CCDC47: variants seen among roughly 807,000 people sequenced by gnomAD.
CCDC47 encodes the protein PAT complex subunit CCDC47.
In CCDC47, 41 loss-of-function variants were observed where a neutral mutation model predicts 60.5. That is an observed-to-expected ratio of 0.68 (90% CI 0.53 to 0.88). CCDC47 has a LOEUF of 0.88. Ranked by LOEUF, CCDC47 falls within the 40% of genes least tolerant of loss-of-function variation. The pLI, the probability that CCDC47 is intolerant of heterozygous loss-of-function variation, is 0.00. For synonymous variants in CCDC47, 195 were observed against 190.7 expected (o/e 1.02, Z -0.18); for missense variants, 513 against 580.9 (o/e 0.88, Z 1.20).
intron 1 of CCDC47, among the ~76,000 whole-genome samples, chr17:63,771,037 GAAGGAAGGAAGA>G (rs1163311588): frequency 1.8e-5 from 1 of 54,690 alleles, no homozygotes; most frequent in Non-Finnish European, 4.1e-5. Context: ...AGGAAGGAAG[GAAGGAAGGAAGA>G]AAGAAAGAAA....
rs2039190582 is a variant in CCDC47, at chr17:63,754,505, A to C, written c.962T>G (p.Leu321Arg). The C allele has an allele frequency of 6.2e-7, 1 of 1,604,994 alleles. No homozygotes were observed. Among genetic ancestry groups the C allele is most frequent in the African/African-American group, 1.3e-5 (1 of 74,646 alleles). ...TTCAATCTTGTCAGCATAGTGTGTA[A>C]GAAAGTGAACCATCTGAAAAAAAGA... ...GMMDTKMVHF[L>R]THYADKIESV... Residue 321 changes from leucine to arginine, a missense_variant, in exon 9 of 13, where the codon CTT becomes CGT. Leu to Arg is a moderately radical substitution (Grantham distance 102). Coordinates refer to ENST00000225726, the MANE Select transcript of CCDC47 (RefSeq NM_020198.3).
chr17:63,762,466 A>G (rs1024562244), intron 4 of CCDC47, among the ~76,000 whole-genome samples: 9 of 152,234 alleles, frequency 5.9e-5, no homozygotes, highest in African/African-American at 2.2e-4. Flanking sequence ...AACAGCAACT[A>G]TAGCCAATTG....
At position 63,759,735 on chromosome 17, in the gene CCDC47, T is replaced by C. The variant is rs2039242029; in HGVS notation, c.735+1179A>G. Reference sequence around the variant, plus strand: ...AAAAAACTGTCTTCTATATTTTTGTTTCTTGTAGCAGTGGGAGCCAGCATA... The same window carrying C: ...AAAAAACTGTCTTCTATATTTTTGTCTCTTGTAGCAGTGGGAGCCAGCATA... On this transcript the variant is annotated intron_variant, in intron 6 of 12. Coordinates refer to ENST00000225726, the MANE Select transcript of CCDC47 (RefSeq NM_020198.3). Among the ~76,000 whole-genome samples the C allele has an allele frequency of 2.7e-5, 4 of 150,770 alleles. No individual in the cohort carries two copies. The South Asian group carries it at 8.3e-4, about 31-fold the overall frequency.
rs1022128553 is a variant in CCDC47 at position 63,754,137 on chromosome 17, A to T, written c.1034+296T>A. ...ACAAAAAACAAAACAAAACAAAAAAACCCACTGCATTTTATTAGTACCAGC... is the reference window on the plus strand; with the variant it reads ...ACAAAAAACAAAACAAAACAAAAAATCCCACTGCATTTTATTAGTACCAGC... On this transcript the variant is annotated intron_variant, in intron 9 of 12. Transcript: ENST00000225726. 4.7e-4 allele frequency among the ~76,000 whole-genome samples: 71 copies of T among 151,984 alleles called. 1 individual carries two copies. The highest frequency in any genetic ancestry group is 3.2e-4 in the Non-Finnish European group (22 of 67,974).
Position 63,762,255 on chromosome 17 carries a change from A to G in CCDC47, c.548-904T>C, listed in dbSNP as rs890699525. ...ACGGACTGATACACCAAATGAAAAC[A>G]AGCAAGGGGAAGTAGAAGGAGCCAA... is the stretch of plus-strand genomic sequence containing the variant. On this transcript the variant is annotated intron_variant, in intron 4 of 12. Transcript: ENST00000225726. 1.9e-5 allele frequency: 19 copies of G among 985,288 alleles called. 1 individual carries two copies. In the African/African-American group the frequency reaches 3.1e-4, roughly 16 times the overall value. 61.0% of individuals were successfully genotyped at this position (985,288 alleles called of 1,614,324 possible).
intron 6 of CCDC47, among the ~76,000 whole-genome samples, chr17:63,759,933 G>A (rs1031141319): frequency 9.9e-5 from 15 of 151,306 alleles, no homozygotes; most frequent in African/African-American, 3.1e-4. Context: ...GAGTGGTGGC[G>A]GACGCCTGTA....
intron 2 of CCDC47, among the ~76,000 whole-genome samples, chr17:63,765,284 G>A (rs911233491): frequency 6.6e-6 from 1 of 151,816 alleles, no homozygotes; most frequent in Non-Finnish European, 1.5e-5. Context: ...ATAAAGCTGG[G>A]GAGCACCCAA....
In CCDC47 at chr17:63,766,086, G is replaced by C. The variant is rs142552913; in HGVS notation, c.90C>G (p.Asp30Glu). 17 of 1,613,614 alleles carry C rather than the reference G, an allele frequency of 1.1e-5. No individual in the cohort carries two copies. The African/African-American group carries it at 2.3e-4, about 22-fold the overall frequency. The change falls in exon 2 of 13, where the codon GAC (aspartate) becomes GAG (glutamate). Residue 30 changes from aspartate (D) to glutamate (E), a missense_variant. Asp to Glu is a conservative substitution (Grantham distance 45). Transcript: ENST00000225726. ...AGTCATTATCATCATACTCTACTAT[G>C]TCCTCCTCATCCTCAAAATCATCAA... ...AKFDDFEDEE[D>E]IVEYDDNDFA...
At chr17:63,752,271 A>C (rs1364803118) in intron 11 of CCDC47, 49 bp downstream of exon 11, 1 of 1,484,816 alleles carries the variant, frequency 6.7e-7, no homozygotes, top group East Asian at 2.3e-5. Context: ...CCCCTTGAGA[A>C]GAAACAAAAA....
intron 6 of CCDC47, among the ~76,000 whole-genome samples, chr17:63,759,525 ATTT>A (rs59793162): frequency 9.6e-4 from 10 of 10,456 alleles, no homozygotes; most frequent in South Asian, 3.2e-3. Context: ...ATATATATAT[ATTT>A]ATATATATAT....
At chr17:63,755,923 CAAAAA>C (rs59036340) in intron 8 of CCDC47, among the ~76,000 whole-genome samples, 5 of 98,540 alleles carry the variant, frequency 5.1e-5, no homozygotes, top group Admixed American at 1.0e-4. Flanking sequence ...AACTGGAGCT[CAAAAA>C]AAAAAAAAAA....
chr17:63,754,321 A>G, intron 9 of CCDC47, 112 bp downstream of exon 9: 1 of 693,948 alleles, frequency 1.4e-6, no homozygotes, highest in South Asian at 1.6e-5. Context: ...GAGGCCTGTC[A>G]CCAACTTCCT....
At chr17:63,765,420 A>C (rs952958548) in intron 2 of CCDC47, among the ~76,000 whole-genome samples, 2 of 151,810 alleles carry the variant, frequency 1.3e-5, no homozygotes, top group African/African-American at 4.8e-5. Context: ...AGCTCACTGC[A>C]ACCTCCACCT....
Position 63,770,985 on chromosome 17 carries a change from C to CAA in CCDC47, c.-20+2425_-20+2426dup, listed in dbSNP as rs760648451. Among the ~76,000 whole-genome samples, 383 of 49,018 alleles carry CAA rather than the reference C, an allele frequency of 7.8e-3. 7 individuals are homozygous for CAA. Among genetic ancestry groups the CAA allele is most frequent in the African/African-American group, 0.044 (357 of 8,068 alleles). The allele number at this position is 49,018 out of a possible 152,430, so 32.2% of individuals were successfully genotyped here. On this transcript the variant is annotated intron_variant, in intron 1 of 12. Coordinates refer to ENST00000225726, the MANE Select transcript of CCDC47 (RefSeq NM_020198.3). ...CCTGGGTGACAGAGCGAGACTGTGT[C>CAA]AAAAAAAAAAAAAAGAAAGAAAGAA...
intron 9 of CCDC47, among the ~76,000 whole-genome samples, chr17:63,754,068 C>T (rs543317110): frequency 1.3e-5 from 2 of 152,104 alleles, no homozygotes; most frequent in East Asian, 3.9e-4. Flanking sequence ...ATTGTGCCAC[C>T]GCACTCCAGC....
chr17:63,756,231 C>T lies in CCDC47; in HGVS notation c.948+9G>A, dbSNP rs372450501. On this transcript the variant is annotated intron_variant, in intron 8 of 12. Coordinates refer to ENST00000225726, the MANE Select transcript of CCDC47 (RefSeq NM_020198.3). ...GGCCTGGCAAATGTATGTCTTCTGT[C>T]GCATTTACCTTTGTATCCATCATTC... 1.7e-4 allele frequency: 276 copies of T among 1,589,790 alleles called. No individual in the cohort carries two copies. The highest frequency in any genetic ancestry group is 2.1e-4 in the Non-Finnish European group (241 of 1,157,942).
At chr17:63,758,729 AT>A (rs1194706502) in intron 6 of CCDC47, among the ~76,000 whole-genome samples, 4 of 152,144 alleles carry the variant, frequency 2.6e-5, no homozygotes, top group African/African-American at 7.2e-5. Flanking sequence ...TATTAATTAC[AT>A]CTTTAAATGC....
intron 1 of CCDC47, among the ~76,000 whole-genome samples, chr17:63,771,568 A>G (rs2039342065): frequency 6.6e-6 from 1 of 152,190 alleles, no homozygotes; most frequent in Non-Finnish European, 1.5e-5. Flanking sequence ...GCTTCCTTTA[A>G]CCATCTTTAG....
chr17:63,771,050 A>AGGAAGGAAGAAAGAAAGAG lies in CCDC47; in HGVS notation c.-20+2361_-20+2362insCTCTTTCTTTCTTCCTTCC, dbSNP rs2039337387. 2.0e-5 allele frequency among the ~76,000 whole-genome samples: 3 copies of AGGAAGGAAGAAAGAAAGAG among 150,554 alleles called. No individual in the cohort carries two copies. In the South Asian group the frequency reaches 6.3e-4, roughly 32 times the overall value. On this transcript the variant is annotated intron_variant, in intron 1 of 12. Coordinates refer to ENST00000225726, the MANE Select transcript of CCDC47 (RefSeq NM_020198.3). ...GAAGGAAGGAAGGAAGGAAGGAAGA[A>AGGAAGGAAGAAAGAAAGAG]AGAAAGAAAGAAATTAAATGTTCTT...
Sources: allele counts gnomAD v4.1 joint callset (sites outside exome capture counted in the v4.1 genomes callset), GRCh38; gene constraint gnomAD v4.1.1; transcripts MANE v1.5; gene names NCBI Gene and HGNC (gene_info 2026-07-23, HGNC 2026-07-21).